Variants in NDUFA5 observed in about 807,000 individuals in gnomAD.
The protein encoded by NDUFA5 is NADH:ubiquinone oxidoreductase subunit A5.
NDUFA5 carries 11 observed loss-of-function variants against 19.8 expected under a neutral mutation model. The ratio of observed to expected loss-of-function variants is 0.56; its 90% confidence interval spans 0.35 to 0.92. The LOEUF (loss-of-function observed/expected upper bound fraction) is 0.92, where lower values mean the gene tolerates loss of function less well. NDUFA5 is among the 40% of genes least tolerant of loss of function. NDUFA5 has a pLI of 0.01. For synonymous variants in NDUFA5, 47 were observed against 46.8 expected, an observed-to-expected ratio of 1.00 and a Z score of -0.01; for missense variants, 109 against 134.2, an observed-to-expected ratio of 0.81 and a Z score of 0.93.
Position 123,546,760 on chromosome 7 carries a change from C to A in NDUFA5, c.184-1084G>T, listed in dbSNP as rs571100266. The A allele has an allele frequency of 1.4e-5, 16 of 1,151,962 alleles. No individual in the cohort carries two copies. In the South Asian group the frequency reaches 1.8e-4, roughly 13 times the overall value. The allele number at this position is 1,151,962 out of a possible 1,614,324, so 71.4% of individuals were successfully genotyped here. A position where few individuals can be genotyped will look rare whatever the true frequency, so the allele number is the denominator to read the frequency against. ...CTTGTTTCTTCACCACTTTTCAAAT[C>A]TTTGCTCAAATAACACCTTCTTATT... On this transcript the variant is annotated intron_variant, in intron 3 of 4. Transcript: ENST00000355749.
At chr7:123,582,607 A>C in the NDUFA5 span, among the ~76,000 whole-genome samples, 2 of 151,796 alleles carry the variant, frequency 1.3e-5, no homozygotes, top group African/African-American at 4.8e-5. Context: ...TTTCCCTCAG[A>C]TCTATGTGTA....
At chr7:123,572,381 C>T in the NDUFA5 span, among the ~76,000 whole-genome samples, 4 of 151,584 alleles carry the variant, frequency 2.6e-5, no homozygotes, top group African/African-American at 9.7e-5. Flanking sequence ...CCTCATGATC[C>T]GCCCGCCTCA....
At chr7:123,573,718 A>C in the NDUFA5 span, among the ~76,000 whole-genome samples, 1 of 152,094 alleles carries the variant, frequency 6.6e-6, no homozygotes, top group Non-Finnish European at 1.5e-5. Flanking sequence ...GGAGTGGAGT[A>C]AATTTGGTTC....
At chr7:123,588,771 T>C in the NDUFA5 span, among the ~76,000 whole-genome samples, 1 of 151,760 alleles carries the variant, frequency 6.6e-6, no homozygotes, top group South Asian at 2.1e-4. Flanking sequence ...GTGTTCTATG[T>C]CCATTTTTGT....
chr7:123,581,865 T>G, the NDUFA5 span, among the ~76,000 whole-genome samples: 1 of 151,994 alleles, frequency 6.6e-6, no homozygotes, highest in Non-Finnish European at 1.5e-5. Flanking sequence ...TCAAGAGTAC[T>G]GTTCAAAAGA....
chr7:123,561,592 C>G (rs1172970150), upstream of NDUFA5, among the ~76,000 whole-genome samples: 1 of 138,580 alleles, frequency 7.2e-6, no homozygotes, highest in Non-Finnish European at 1.5e-5. Flanking sequence ...ATTTTGACCT[C>G]CTTGCATGAA....
upstream of NDUFA5, among the ~76,000 whole-genome samples, chr7:123,559,990 C>T (rs1448413038): frequency 6.6e-6 from 1 of 151,378 alleles, no homozygotes; most frequent in Non-Finnish European, 1.5e-5. Context: ...AAATTATACA[C>T]CACAAATAAA....
chr7:123,571,404 A>C, the NDUFA5 span, among the ~76,000 whole-genome samples: 1 of 152,258 alleles, frequency 6.6e-6, no homozygotes, highest in Non-Finnish European at 1.5e-5. Context: ...TGTAAAATTT[A>C]CTTCAAAATA....
upstream of NDUFA5, among the ~76,000 whole-genome samples, chr7:123,561,354 CA>C (rs1254262597): frequency 6.6e-6 from 1 of 152,172 alleles, no homozygotes; most frequent in Non-Finnish European, 1.5e-5. Context: ...GAGTAGATTC[CA>C]TCTCAAGAAA....
the NDUFA5 span, among the ~76,000 whole-genome samples, chr7:123,564,362 C>A: frequency 5.3e-5 from 8 of 152,216 alleles, no homozygotes; most frequent in African/African-American, 1.9e-4. Context: ...GCTCAAAATT[C>A]TCCCATGATT....
the NDUFA5 span, among the ~76,000 whole-genome samples, chr7:123,570,960 T>A: frequency 6.6e-6 from 1 of 152,216 alleles, no homozygotes; most frequent in East Asian, 1.9e-4. Context: ...TCTGGAACTA[T>A]GCCAATATTT....
the NDUFA5 span, among the ~76,000 whole-genome samples, chr7:123,591,608 T>G: frequency 1.3e-5 from 2 of 152,314 alleles, no homozygotes; most frequent in African/African-American, 2.4e-5. Context: ...CATTTATTGA[T>G]TTGTGTATAA....
intron 1 of NDUFA5, 51 bp from the exon 2 acceptor site, chr7:123,557,499 T>A: frequency 6.2e-7 from 1 of 1,612,930 alleles, no homozygotes; most frequent in Non-Finnish European, 8.5e-7. Flanking sequence ...TTTCCATACA[T>A]CCAGCACGCT....
rs1011390324 is a variant in NDUFA5 at position 123,538,866 on chromosome 7, C to A, written c.*3253G>T. The stretch of plus-strand genomic sequence containing the variant: ...AGGAAAAAGAAAAAGCTGCTATTAG[C>A]CTACATGTGGGAATTTTCCTATATA... On this transcript the variant is annotated 3_prime_UTR_variant, in exon 5 of 5. Coordinates refer to ENST00000355749, the MANE Select transcript of NDUFA5 (RefSeq NM_005000.5). 1.3e-5 allele frequency: 2 copies of A among 152,136 alleles called. No individual in the cohort carries two copies. Among genetic ancestry groups the A allele is most frequent in the African/African-American group, 4.8e-5 (2 of 41,424 alleles). The allele number at this position is 152,136 out of a possible 1,614,324, so 9.4% of individuals were successfully genotyped here.
chr7:123,562,852 C>T (rs1798706154), upstream of NDUFA5, among the ~76,000 whole-genome samples: 1 of 147,660 alleles, frequency 6.8e-6, no homozygotes, highest in African/African-American at 2.5e-5. Flanking sequence ...GGCTGGAGTG[C>T]AGCAGCACGA....
At chr7:123,551,607 T>G in intron 2 of NDUFA5, 1 of 584,966 alleles carries the variant, frequency 1.7e-6, no homozygotes, top group Non-Finnish European at 2.2e-6. Context: ...AATCATTACA[T>G]CTGTATGATC....
At chr7:123,589,476 C>A in the NDUFA5 span, among the ~76,000 whole-genome samples, 4 of 152,124 alleles carry the variant, frequency 2.6e-5, no homozygotes, top group Non-Finnish European at 5.9e-5. Flanking sequence ...CTCCAGCCCC[C>A]CACCTCTCAA....
the NDUFA5 span, among the ~76,000 whole-genome samples, chr7:123,589,203 T>C: frequency 2.0e-5 from 3 of 151,814 alleles, no homozygotes; most frequent in African/African-American, 7.3e-5. Context: ...TTCCTTACTA[T>C]GTTTAGGTGC....
At chr7:123,597,567 C>G in the NDUFA5 span, among the ~76,000 whole-genome samples, 3 of 152,168 alleles carry the variant, frequency 2.0e-5, no homozygotes, top group Non-Finnish European at 4.4e-5. Flanking sequence ...CGTGGTGGCT[C>G]ACGCCTGTAA....
Sources: allele counts gnomAD v4.1 joint callset (sites outside exome capture counted in the v4.1 genomes callset), GRCh38; gene constraint gnomAD v4.1.1; transcripts MANE v1.5; gene names NCBI Gene and HGNC (gene_info 2026-07-23, HGNC 2026-07-21).